Variants in POLK observed in about 807,000 individuals in gnomAD.
The protein encoded by POLK is DNA polymerase kappa.
In POLK, 76 loss-of-function variants were observed where a neutral mutation model predicts 94.0. The observed-to-expected ratio is 0.81, with a 90% CI of 0.67 to 0.98. The LOEUF (loss-of-function observed/expected upper bound fraction) is 0.98, where lower values mean the gene tolerates loss of function less well. POLK is among the 50% of genes least tolerant of loss of function. The pLI is 0.00. For synonymous variants in POLK, 349 were observed against 325.4 expected (o/e 1.07, Z -0.78); for missense variants, 954 against 1,010.1 (o/e 0.94, Z 0.75).
At chr5:75,538,551 G>C (rs78622111) in intron 1 of POLK, 1 of 152,138 alleles carries the variant, frequency 6.6e-6, no homozygotes, top group Non-Finnish European at 1.5e-5. Flanking sequence ...TAGTATCTCA[G>C]AGGAGAGAGA....
intron 6 of POLK, 73 bp downstream of exon 6, chr5:75,577,006 C>G: frequency 2.3e-6 from 2 of 872,008 alleles, no homozygotes; most frequent in Non-Finnish European, 3.4e-6. Context: ...TGAATTAATC[C>G]AATTAATTTA....
chr5:75,545,016 A>G (rs557178999), intron 1 of POLK, among the ~76,000 whole-genome samples: 1 of 152,254 alleles, frequency 6.6e-6, no homozygotes, highest in African/African-American at 2.4e-5. Flanking sequence ...AAATACTCCT[A>G]TCTGGCTTCT....
chr5:75,569,235 G>A, intron 3 of POLK, 105 bp from the exon 4 acceptor site: 1 of 746,890 alleles, frequency 1.3e-6, no homozygotes, highest in South Asian at 1.9e-5. Context: ...ATGGGTGTGT[G>A]GACAGAGACT....
chr5:75,532,979 G>A (rs1225569797), intron 1 of POLK, among the ~76,000 whole-genome samples: 6 of 152,106 alleles, frequency 3.9e-5, no homozygotes, highest in Non-Finnish European at 8.8e-5. Flanking sequence ...ACAGATGCTG[G>A]ATATTAGACC....
At chr5:75,605,259 G>T (rs996332112), downstream of POLK, among the ~76,000 whole-genome samples, 1 of 151,946 alleles carries the variant, frequency 6.6e-6, no homozygotes, top group African/African-American at 2.4e-5. Context: ...CTTATCAGTT[G>T]TCTAATATCT....
intron 12 of POLK, among the ~76,000 whole-genome samples, chr5:75,594,727 C>CT (rs1413684358): frequency 6.6e-6 from 1 of 152,188 alleles, no homozygotes; most frequent in African/African-American, 2.4e-5. Context: ...ATTTTCAGAA[C>CT]TTTTTGGATT....
At chr5:75,603,949 C>T (rs1289693501), downstream of POLK, among the ~76,000 whole-genome samples, 1 of 152,192 alleles carries the variant, frequency 6.6e-6, no homozygotes, top group Non-Finnish European at 1.5e-5. Flanking sequence ...TTTCTCCCTA[C>T]CAGATTGTAG....
chr5:75,511,334 G>C, upstream of POLK: 1 of 1,546,024 alleles, frequency 6.5e-7, no homozygotes, highest in Non-Finnish European at 8.7e-7. Flanking sequence ...GTGTGGGGGG[G>C]AGCAGGAGGA....
At chr5:75,586,127 A>G (rs915757856) in intron 9 of POLK, among the ~76,000 whole-genome samples, 9 of 152,294 alleles carry the variant, frequency 5.9e-5, no homozygotes, top group African/African-American at 2.2e-4. Context: ...CTGATGTAAC[A>G]TAACATATAT....
intron 8 of POLK, among the ~76,000 whole-genome samples, chr5:75,584,338 G>A (rs1199352520): frequency 6.6e-6 from 1 of 152,076 alleles, no homozygotes; most frequent in African/African-American, 2.4e-5. Context: ...TGGTCAAAAA[G>A]TAATTAAAGC....
chr5:75,581,674 C>T, intron 7 of POLK: 2 of 434,456 alleles, frequency 4.6e-6, no homozygotes, highest in Non-Finnish European at 8.1e-6. Context: ...TTATACGTTT[C>T]TTTCTTTTTT....
At chr5:75,582,366 A>G (rs1314391528) in intron 7 of POLK, 3 of 152,556 alleles carry the variant, frequency 2.0e-5, no homozygotes, top group African/African-American at 7.2e-5. Context: ...CTATATAACA[A>G]TTAAAATGAA....
At chr5:75,559,562 C>T (rs1770862540) in intron 3 of POLK, among the ~76,000 whole-genome samples, 2 of 104,126 alleles carry the variant, frequency 1.9e-5, no homozygotes, top group Admixed American at 1.5e-4. Context: ...GAGACAGGGT[C>T]TCTCTCTGTC....
rs190877748 is a variant in POLK, at chr5:75,585,758, A to G, written c.1226+832A>G. 3.1e-4 allele frequency among the ~76,000 whole-genome samples: 47 copies of G among 152,296 alleles called. No homozygotes were observed. In the East Asian group the frequency reaches 6.9e-3, roughly 22 times the overall value. ...ATCGTGGAAGTCAACTCTGGGCACT[A>G]TTTTTACAATTTTGTCATCACCTTG... is the stretch of plus-strand genomic sequence containing the variant. On this transcript the variant is annotated intron_variant, in intron 9 of 14. Coordinates refer to ENST00000241436, the Ensembl canonical transcript of POLK.
At chr5:75,559,941 G>A (rs1208248403) in intron 3 of POLK, among the ~76,000 whole-genome samples, 1 of 152,118 alleles carries the variant, frequency 6.6e-6, no homozygotes, top group Non-Finnish European at 1.5e-5. Flanking sequence ...TCTCCTCAAT[G>A]TAATAGAAAT....
At chr5:75,526,828 G>C (rs898293644) in intron 1 of POLK, among the ~76,000 whole-genome samples, 1 of 152,078 alleles carries the variant, frequency 6.6e-6, no homozygotes, top group Non-Finnish European at 1.5e-5. Flanking sequence ...TAATCCACCT[G>C]CCTCAGCCTA....
intron 7 of POLK, chr5:75,581,949 G>C: frequency 1.2e-6 from 1 of 813,942 alleles, no homozygotes; most frequent in African/African-American, 1.9e-5. Context: ...AAAGTGCTGG[G>C]ATTACAGGCC....
Position 75,581,092 on chromosome 5 carries a change from G to A in POLK, c.695-117G>A, listed in dbSNP as rs920084805. 4.6e-6 allele frequency: 3 copies of A among 656,870 alleles called. No individual in the cohort carries two copies. In the African/African-American group the frequency reaches 5.5e-5, roughly 12 times the overall value. 40.7% of individuals were successfully genotyped at this position (656,870 alleles called of 1,614,324 possible). A position where few individuals can be genotyped will look rare whatever the true frequency, so the allele number is the denominator to read the frequency against. ...ATGGCATTTCTGATCTTGGATCCTA[G>A]AAACTAAACTAAACTAGATTTTTGT... On this transcript the variant is annotated intron_variant, in intron 6 of 14. Coordinates refer to ENST00000241436, the Ensembl canonical transcript of POLK.
At chr5:75,565,944 G>A (rs1050359764) in intron 3 of POLK, among the ~76,000 whole-genome samples, 23 of 152,238 alleles carry the variant, frequency 1.5e-4, no homozygotes, top group African/African-American at 5.3e-4. Flanking sequence ...GAATGTTTAA[G>A]TCTGCTGAAG....
Sources: gnomAD v4.1 joint callset for allele counts (sites outside exome capture counted in the v4.1 genomes callset) on GRCh38, gnomAD v4.1.1 for gene constraint, MANE v1.5 for transcripts, NCBI Gene and HGNC (gene_info 2026-07-23, HGNC 2026-07-21) for gene names.